The following LINGO2 variants were observed in gnomAD, a reference collection of about 807,000 sequenced individuals.
LINGO2 encodes leucine-rich repeat and immunoglobulin-like domain-containing nogo receptor-interacting protein 2.
Under a neutral mutation model 30.6 loss-of-function variants are expected in LINGO2, and 14 were observed. The ratio of observed to expected loss-of-function variants is 0.46; its 90% CI spans 0.30 to 0.72. The LOEUF (loss-of-function observed/expected upper bound fraction) is 0.72. Among genes scored for constraint, LINGO2 ranks in the 30% least tolerant of loss-of-function variants. The probability of loss-of-function intolerance (pLI) is 0.07; values close to 1 mark genes in which losing one functional copy is unlikely to be tolerated. For synonymous variants in LINGO2, 317 were observed against 288.5 expected (o/e 1.10, Z -1.00); for missense variants, 729 against 751.7 (o/e 0.97, Z 0.35).
the LINGO2 span, among the ~76,000 whole-genome samples, chr9:28,876,626 AC>A: frequency 6.6e-6 from 1 of 152,144 alleles, no homozygotes; most frequent in African/African-American, 2.4e-5. Context: ...TATATGTGCC[AC>A]ATTTTCTTAA....
rs1827857341 is a variant in LINGO2, at chr9:28,646,689, C to A, written c.-365+23511G>T. Among the ~76,000 whole-genome samples the A allele has an allele frequency of 2.0e-5, 3 of 152,082 alleles. No homozygotes were observed. The South Asian group carries it at 6.2e-4, about 32-fold the overall frequency. On this transcript the variant is annotated intron_variant, in intron 1 of 5. Coordinates refer to ENST00000379992, the Ensembl canonical transcript of LINGO2. ...GGAGAGGCTGATGTCTCCAGGTCTCCATTGTGATTAAGCAATAATTTCTTA... is the reference window on the plus strand; with the variant it reads ...GGAGAGGCTGATGTCTCCAGGTCTCAATTGTGATTAAGCAATAATTTCTTA...
At chr9:28,913,540 G>A in the LINGO2 span, among the ~76,000 whole-genome samples, 1 of 152,006 alleles carries the variant, frequency 6.6e-6, no homozygotes, top group East Asian at 1.9e-4. Context: ...ATGTGAATGT[G>A]TACTTAAAAT....
Position 28,553,489 on chromosome 9 carries a change from G to A in LINGO2, c.-364-77464C>T, listed in dbSNP as rs553128475. On this transcript the variant is annotated intron_variant, in intron 1 of 5. Coordinates refer to ENST00000379992, the Ensembl canonical transcript of LINGO2. ...AACGAGCAAAGTCTCCAAGAAATAT[G>A]GGACTATGTGAAAAGACCAAATCTA... Among the ~76,000 whole-genome samples the A allele has an allele frequency of 2.6e-5, 4 of 152,172 alleles. No homozygotes were observed. The East Asian group carries it at 5.8e-4, about 22-fold the overall frequency.
chr9:29,054,928 T>C, the LINGO2 span, among the ~76,000 whole-genome samples: 2 of 152,014 alleles, frequency 1.3e-5, no homozygotes, highest in Admixed American at 1.3e-4. Flanking sequence ...CTTTTAAAAG[T>C]ACAGTGTAGG....
intron 5 of LINGO2, among the ~76,000 whole-genome samples, chr9:27,969,458 A>G (rs1194366457): frequency 6.6e-6 from 1 of 152,168 alleles, no homozygotes; most frequent in Non-Finnish European, 1.5e-5. Context: ...ATCTTTCTAT[A>G]TAATATTTGG....
chr9:28,641,776 A>G (rs780465493), intron 1 of LINGO2, among the ~76,000 whole-genome samples: 19 of 152,210 alleles, frequency 1.2e-4, no homozygotes, highest in Non-Finnish European at 2.6e-4. Flanking sequence ...AAAGGAAACT[A>G]TGCATAAGGA....
intron 1 of LINGO2, among the ~76,000 whole-genome samples, chr9:28,635,972 CACT>C (rs1563881560): frequency 1.3e-5 from 2 of 152,074 alleles, no homozygotes; most frequent in Non-Finnish European, 2.9e-5. Context: ...TATCCCTCCC[CACT>C]CTCCCCACCC....
the LINGO2 span, among the ~76,000 whole-genome samples, chr9:28,688,003 G>C: frequency 6.6e-6 from 1 of 152,204 alleles, no homozygotes; most frequent in African/African-American, 2.4e-5. Context: ...TAAACAGTTT[G>C]AAACCTTCCA....
the LINGO2 span, among the ~76,000 whole-genome samples, chr9:28,768,653 C>G: frequency 1.4e-5 from 2 of 147,810 alleles, no homozygotes; most frequent in Middle Eastern, 3.3e-3. Flanking sequence ...CACACACACA[C>G]AGTCTCTCCC....
chr9:28,565,495 A>ATT (rs1369313364), intron 1 of LINGO2, among the ~76,000 whole-genome samples: 3 of 146,170 alleles, frequency 2.1e-5, no homozygotes, highest in South Asian at 4.4e-4. Context: ...AGGAAAAATT[A>ATT]TTTTTATTTT....
intron 1 of LINGO2, among the ~76,000 whole-genome samples, chr9:28,588,704 T>C (rs934786235): frequency 1.3e-5 from 2 of 152,082 alleles, no homozygotes; most frequent in Non-Finnish European, 2.9e-5. Context: ...GGTGTTCTTC[T>C]CTTTGAGGTC....
the LINGO2 span, among the ~76,000 whole-genome samples, chr9:28,795,798 G>T: frequency 1.3e-5 from 2 of 151,826 alleles, no homozygotes; most frequent in Non-Finnish European, 2.9e-5. Context: ...TTTTCAAAAA[G>T]ATCCTTACTA....
At chr9:28,342,461 C>A (rs1283968620) in intron 3 of LINGO2, among the ~76,000 whole-genome samples, 1 of 152,116 alleles carries the variant, frequency 6.6e-6, no homozygotes, top group Non-Finnish European at 1.5e-5. Flanking sequence ...CAGTGACCCA[C>A]CAGCCCACCA....
intron 3 of LINGO2, among the ~76,000 whole-genome samples, chr9:28,296,298 G>A (rs1275944295): frequency 6.6e-6 from 1 of 152,070 alleles, no homozygotes; most frequent in Non-Finnish European, 1.5e-5. Context: ...TCTTCCCAGG[G>A]TAGCTCTTAA....
intron 1 of LINGO2, among the ~76,000 whole-genome samples, chr9:28,562,880 TCTGTCACCCAGG>T (rs1168706863): frequency 6.6e-6 from 1 of 152,124 alleles, no homozygotes. Flanking sequence ...GGAGTCTCTC[TCTGTCACCCAGG>T]CTGCAGTGCA....
intron 4 of LINGO2, among the ~76,000 whole-genome samples, chr9:28,277,843 A>C (rs967255966): frequency 8.2e-5 from 11 of 133,584 alleles, no homozygotes; most frequent in Non-Finnish European, 1.3e-4. Flanking sequence ...AAAACAAAAA[A>C]AAAAAACAAA....
At chr9:28,675,044 C>T (rs1029174113), upstream of LINGO2, among the ~76,000 whole-genome samples, 1 of 152,044 alleles carries the variant, frequency 6.6e-6, no homozygotes, top group African/African-American at 2.4e-5. Flanking sequence ...TTTTCAGTTA[C>T]AGAAGGAAGA....
the LINGO2 span, among the ~76,000 whole-genome samples, chr9:28,719,161 C>A: frequency 1.3e-5 from 2 of 151,978 alleles, no homozygotes; most frequent in Non-Finnish European, 2.9e-5. Context: ...AGTCTCCGAG[C>A]ATTTCAAGGT....
intron 1 of LINGO2, among the ~76,000 whole-genome samples, chr9:28,534,053 A>T (rs1821335934): frequency 6.6e-6 from 1 of 152,166 alleles, no homozygotes; most frequent in South Asian, 2.1e-4. Context: ...ATAAGTGAAA[A>T]TATGTTTAGC....
Sources: gnomAD v4.1 joint callset for allele counts (sites outside exome capture counted in the v4.1 genomes callset) on GRCh38, gnomAD v4.1.1 for gene constraint, MANE v1.5 for transcripts, NCBI Gene and HGNC (gene_info 2026-07-23, HGNC 2026-07-21) for gene names.